The following MGMT variants were observed in gnomAD, a reference collection of about 807,000 sequenced individuals.
MGMT encodes methylated-DNA--protein-cysteine methyltransferase.
MGMT carries 14 observed loss-of-function variants against 15.9 expected under a neutral mutation model. The ratio of observed to expected loss-of-function variants is 0.88; its 90% CI spans 0.58 to 1.37. MGMT has a LOEUF of 1.37. Among genes scored for constraint, MGMT ranks in the 40% most tolerant of loss-of-function variants. The probability of loss-of-function intolerance (pLI) is 0.00; values close to 1 mark genes in which losing one functional copy is unlikely to be tolerated. For synonymous variants in MGMT, 130 were observed against 118.2 expected, an observed-to-expected ratio of 1.10 and a Z score of -0.65; for missense variants, 282 against 268.1, an observed-to-expected ratio of 1.05 and a Z score of -0.36.
chr10:129,704,017 G>T (rs1034878716), intron 2 of MGMT, among the ~76,000 whole-genome samples: 1 of 152,114 alleles, frequency 6.6e-6, no homozygotes, highest in Non-Finnish European at 1.5e-5. Flanking sequence ...ACTGCACAGG[G>T]CTTCCACCCC....
rs572404002 is a variant in MGMT, at chr10:129,629,005, G to A, written c.126-78890G>A. On this transcript the variant is annotated intron_variant, in intron 2 of 4. Transcript: ENST00000651593. ...TCCCGGGGGAACCCATGTGGGAAGG[G>A]CTCTTCCTGACACCTCTCCTGCAGC... 3.9e-5 allele frequency among the ~76,000 whole-genome samples: 6 copies of A among 152,296 alleles called. No individual in the cohort carries two copies. The East Asian group carries it at 7.7e-4, about 20-fold the overall frequency.
intron 2 of MGMT, among the ~76,000 whole-genome samples, chr10:129,698,696 T>C (rs1041777697): frequency 6.6e-6 from 1 of 152,222 alleles, no homozygotes; most frequent in Non-Finnish European, 1.5e-5. Flanking sequence ...CTAGAAGTTG[T>C]CACATCAAGT....
intron 2 of MGMT, among the ~76,000 whole-genome samples, chr10:129,573,542 A>G (rs1217601432): frequency 6.6e-6 from 1 of 151,938 alleles, no homozygotes; most frequent in Admixed American, 6.6e-5. Flanking sequence ...TTAATCATAT[A>G]TGTTTATTTC....
At chr10:129,723,392 A>C (rs1015804411) in intron 3 of MGMT, among the ~76,000 whole-genome samples, 1 of 152,132 alleles carries the variant, frequency 6.6e-6, no homozygotes, top group South Asian at 2.1e-4. Context: ...CATGACCTTG[A>C]CCTCACACCA....
intron 4 of MGMT, 79 bp from the exon 5 acceptor site, chr10:129,766,705 TGTCA>T (rs1425508684): frequency 3.8e-5 from 49 of 1,296,362 alleles, no homozygotes; most frequent in South Asian, 2.3e-4. Flanking sequence ...ACAGGACTCC[TGTCA>T]GTCAGGGCCT....
At chr10:129,714,927 C>T (rs1432030053) in intron 3 of MGMT, among the ~76,000 whole-genome samples, 19 of 152,136 alleles carry the variant, frequency 1.2e-4, no homozygotes, top group Admixed American at 1.2e-3. Context: ...AGCGATCCCA[C>T]AATGCCTGTA....
At chr10:129,528,162 G>A (rs1283988128) in intron 1 of MGMT, among the ~76,000 whole-genome samples, 1 of 152,150 alleles carries the variant, frequency 6.6e-6, no homozygotes, top group African/African-American at 2.4e-5. Flanking sequence ...TGGGTGCCAG[G>A]CACTGTTATT....
chr10:129,764,918 A>AGGAGGAAG (rs1179025047), intron 4 of MGMT, among the ~76,000 whole-genome samples: 3 of 152,210 alleles, frequency 2.0e-5, no homozygotes, highest in Non-Finnish European at 2.9e-5. Context: ...CCTCCAGCTC[A>AGGAGGAAG]GGAGGAAGGG....
intron 2 of MGMT, among the ~76,000 whole-genome samples, chr10:129,670,881 T>C (rs1847714574): frequency 6.6e-6 from 1 of 152,366 alleles, no homozygotes; most frequent in Non-Finnish European, 1.5e-5. Flanking sequence ...ATTTAATTTT[T>C]CTGTATGTGA....
intron 2 of MGMT, among the ~76,000 whole-genome samples, chr10:129,547,595 C>T (rs1430757347): frequency 2.6e-5 from 4 of 152,110 alleles, no homozygotes; most frequent in African/African-American, 2.4e-5. Context: ...AGGGGATTAC[C>T]GTTTTCTTGC....
chr10:129,647,942 T>G (rs928529828), intron 2 of MGMT, among the ~76,000 whole-genome samples: 2 of 152,244 alleles, frequency 1.3e-5, no homozygotes, highest in East Asian at 1.9e-4. Context: ...CATACTAACT[T>G]AATTGTAATT....
At chr10:129,766,624 C>T (rs7067949) in intron 4 of MGMT, among the ~76,000 whole-genome samples, 164 bp from the exon 5 acceptor site, 9,572 of 152,264 alleles carry the variant, frequency 0.063, 978 homozygotes, top group African/African-American at 0.21. Context: ...AGGGGAAGTC[C>T]ATGCTGAGAC....
chr10:129,703,664 C>G (rs1848124671), intron 2 of MGMT, among the ~76,000 whole-genome samples: 1 of 150,658 alleles, frequency 6.6e-6, no homozygotes, highest in South Asian at 2.1e-4. Flanking sequence ...GTGCTCCACT[C>G]CATCCTCGCC....
At chr10:129,582,430 C>T (rs942324112) in intron 2 of MGMT, among the ~76,000 whole-genome samples, 66 of 152,194 alleles carry the variant, frequency 4.3e-4, no homozygotes, top group African/African-American at 1.4e-3. Context: ...AAAATAACAT[C>T]GTAAGTCCTT....
chr10:129,721,015 C>T (rs1050881649), intron 3 of MGMT, among the ~76,000 whole-genome samples: 2 of 151,828 alleles, frequency 1.3e-5, no homozygotes, highest in Admixed American at 6.6e-5. Flanking sequence ...AGAAGGGTAG[C>T]GGTTTCAAGA....
intron 2 of MGMT, among the ~76,000 whole-genome samples, chr10:129,593,189 C>T (rs1846709861): frequency 6.6e-6 from 1 of 152,234 alleles, no homozygotes; most frequent in African/African-American, 2.4e-5. Context: ...TGCTCATTCC[C>T]TCGATGTTAT....
intron 2 of MGMT, among the ~76,000 whole-genome samples, chr10:129,548,939 C>T (rs756001867): frequency 2.0e-5 from 3 of 152,158 alleles, no homozygotes; most frequent in Admixed American, 1.3e-4. Flanking sequence ...GAATGGGGCG[C>T]GGCCTGACCT....
chr10:129,587,953 T>G (rs937963582), intron 2 of MGMT, among the ~76,000 whole-genome samples: 1 of 152,206 alleles, frequency 6.6e-6, no homozygotes, highest in African/African-American at 2.4e-5. Flanking sequence ...AGGTTATTTA[T>G]TTAATAAATA....
At chr10:129,757,679 G>A (rs1385718686) in intron 3 of MGMT, among the ~76,000 whole-genome samples, 1 of 152,074 alleles carries the variant, frequency 6.6e-6, no homozygotes, top group Non-Finnish European at 1.5e-5. Flanking sequence ...CCATGATAAT[G>A]ATTAACAGTT....
Sources: gnomAD v4.1 joint callset for allele counts (sites outside exome capture counted in the v4.1 genomes callset) on GRCh38, gnomAD v4.1.1 for gene constraint, MANE v1.5 for transcripts, NCBI Gene and HGNC (gene_info 2026-07-23, HGNC 2026-07-21) for gene names.